ZYG11A: variants seen among roughly 807,000 people sequenced by gnomAD.
ZYG11A encodes zyg-11 family member A, cell cycle regulator.
A neutral mutation model predicts 77.2 loss-of-function variants in ZYG11A; 62 were observed. The ratio of observed to expected loss-of-function variants is 0.80; its 90% CI spans 0.65 to 0.99. The LOEUF (loss-of-function observed/expected upper bound fraction) is 0.99. Ranked by LOEUF, ZYG11A falls within the 50% of genes least tolerant of loss-of-function variation. The pLI is 0.00. For missense variants in ZYG11A, 828 were observed against 896.8 expected (o/e 0.92, Z 0.98); for synonymous variants, 315 against 324.6 (o/e 0.97, Z 0.32).
At chr1:52,872,295 G>C (rs1159576252) in intron 8 of ZYG11A, among the ~76,000 whole-genome samples, 1 of 152,006 alleles carries the variant, frequency 6.6e-6, no homozygotes, top group Non-Finnish European at 1.5e-5. Context: ...GTATAGATGA[G>C]GTTTCGCCAT....
intron 1 of ZYG11A, among the ~76,000 whole-genome samples, chr1:52,852,565 T>C (rs1645734339): frequency 6.6e-6 from 1 of 152,004 alleles, no homozygotes; most frequent in Admixed American, 6.6e-5. Flanking sequence ...GGTTTTGCTA[T>C]GTTGGCCAGG....
At position 52,892,732 on chromosome 1, in the gene ZYG11A, A is replaced by T. The variant is rs537552012; in HGVS notation, c.2105-50A>T. The T allele has an allele frequency of 7.3e-5, 108 of 1,488,540 alleles. No homozygotes were observed. In the Middle Eastern group the frequency reaches 8.6e-4, roughly 12 times the overall value. The allele number at this position is 1,488,540 out of a possible 1,614,324, so 92.2% of individuals were successfully genotyped here. ...AAGGTGAATGTGGTGACATGGGAGT[A>T]TTTAAAATGCCAGTTGTCCATGGAG... is the stretch of plus-strand genomic sequence containing the variant. On this transcript the variant is annotated intron_variant, in intron 13 of 13. Transcript: ENST00000371528.
chr1:52,863,298 A>C (rs1313987864), intron 4 of ZYG11A, among the ~76,000 whole-genome samples: 5 of 152,160 alleles, frequency 3.3e-5, no homozygotes, highest in Non-Finnish European at 2.9e-5. Flanking sequence ...GTGTAGCTTC[A>C]AGTTACCTAA....
At chr1:52,886,211 C>T (rs1333544046) in intron 12 of ZYG11A, among the ~76,000 whole-genome samples, 1 of 152,144 alleles carries the variant, frequency 6.6e-6, no homozygotes, top group African/African-American at 2.4e-5. Context: ...GGATTACAGG[C>T]GTGAGCCACC....
intron 13 of ZYG11A, among the ~76,000 whole-genome samples, chr1:52,892,538 A>AG (rs1248157128): frequency 2.4e-4 from 37 of 151,970 alleles, no homozygotes; most frequent in African/African-American, 8.5e-4. Context: ...CAAAAAAAAA[A>AG]AGAAAAAGAT....
intron 6 of ZYG11A, 95 bp from the exon 7 acceptor site, chr1:52,867,444 A>G (rs557847): frequency 0.53 from 438,275 of 831,960 alleles, 123,477 homozygotes; most frequent in Non-Finnish European, 0.59. Flanking sequence ...GACTGTTTTC[A>G]TTATAGGATT....
Position 52,892,712 on chromosome 1 carries a change from G to C in ZYG11A, c.2105-70G>C, listed in dbSNP as rs552000883. On this transcript the variant is annotated intron_variant, in intron 13 of 13. Transcript: ENST00000371528. ...CTTTGTATTGTTTCTTCAGCAAGGT[G>C]AATGTGGTGACATGGGAGTATTTAA... 6.1e-5 allele frequency: 80 copies of C among 1,309,528 alleles called. No homozygotes were observed. In the South Asian group the frequency reaches 8.4e-4, roughly 14 times the overall value. 81.1% of individuals were successfully genotyped at this position (1,309,528 alleles called of 1,614,324 possible).
chr1:52,875,722 G>A lies in ZYG11A; in HGVS notation c.1543-1960G>A, dbSNP rs543845110. Among the ~76,000 whole-genome samples the A allele has an allele frequency of 5.5e-4, 83 of 151,536 alleles. 1 individual carries two copies. The highest frequency in any genetic ancestry group is 1.8e-3 in the African/African-American group (76 of 41,260). On this transcript the variant is annotated intron_variant, in intron 8 of 13. Transcript: ENST00000371528. ...CAATTTTGGTGCTGAATCTCTGTAT[G>A]TGCAGAAATTGAGTTTAGAGTAGAA...
At chr1:52,877,624 ACCGCAATTGATTATT>A in intron 8 of ZYG11A, 43 bp from the exon 9 acceptor site, 1 of 1,433,598 alleles carries the variant, frequency 7.0e-7, no homozygotes. Flanking sequence ...CTTTCCTTAT[ACCGCAATTGATTATT>A]CATTAGAGCA....
intron 13 of ZYG11A, among the ~76,000 whole-genome samples, chr1:52,890,042 C>T (rs1468315431): frequency 6.9e-6 from 1 of 145,066 alleles, no homozygotes; most frequent in Non-Finnish European, 1.5e-5. Flanking sequence ...TTTCTTTGCT[C>T]ATCACTGCTT....
intron 4 of ZYG11A, among the ~76,000 whole-genome samples, chr1:52,863,183 C>A (rs1645962546): frequency 6.6e-6 from 1 of 152,148 alleles, no homozygotes. Context: ...CCAGGTCTGT[C>A]TCTAGTAGAG....
In ZYG11A at chr1:52,857,635, C is replaced by T. The variant is rs1645839908; in HGVS notation, c.894C>T (p.Ile298=). 6 of 1,551,962 alleles carry T rather than the reference C, an allele frequency of 3.9e-6. No individual in the cohort carries two copies. The highest frequency in any genetic ancestry group is 5.2e-6 in the Non-Finnish European group (6 of 1,147,070). ...VSLDISGGNC[I]TDEAVELFIR... is the part of the protein sequence containing the mutation. ...TGGATATTTCTGGGGGCAATTGCAT[C>T]ACTGATGAAGCTGTAGAACTGTTTA... Residue 298 remains isoleucine, a synonymous_variant, in exon 3 of 14, where the codon ATC becomes ATT. Transcript: ENST00000371528.
In ZYG11A at chr1:52,893,202, C is replaced by G. The variant is rs1485103640; in HGVS notation, c.*245C>G. On this transcript the variant is annotated 3_prime_UTR_variant, in exon 14 of 14. Coordinates refer to ENST00000371528, the MANE Select transcript of ZYG11A (RefSeq NM_001004339.3). The stretch of plus-strand genomic sequence containing the variant: ...CTCAAACCGTGGACTCTGGGAAGGC[C>G]TGGGAGCTTGTGTTGGAACAGCTAT... The G allele has an allele frequency of 2.3e-6, 1 of 440,454 alleles. No homozygotes were observed. Among genetic ancestry groups the G allele is most frequent in the Non-Finnish European group, 4.1e-6 (1 of 245,184 alleles). The allele number at this position is 440,454 out of a possible 1,614,324, so 27.3% of individuals were successfully genotyped here. A position where few individuals can be genotyped will look rare whatever the true frequency, so the allele number is the denominator to read the frequency against.
intron 3 of ZYG11A, among the ~76,000 whole-genome samples, chr1:52,859,668 T>A (rs1415615614): frequency 4.3e-5 from 1 of 23,488 alleles, no homozygotes; most frequent in Non-Finnish European, 9.5e-5. Context: ...GTGTATTGCC[T>A]TTTTTTTTTT....
At chr1:52,885,807 G>A in intron 11 of ZYG11A, 26 bp from the exon 12 acceptor site, 1 of 1,497,558 alleles carries the variant, frequency 6.7e-7, no homozygotes, top group Non-Finnish European at 8.9e-7. Context: ...TCAAATGTTG[G>A]TTTCTCTCTC....
intron 12 of ZYG11A, among the ~76,000 whole-genome samples, chr1:52,886,409 T>A (rs544243206): frequency 2.8e-4 from 42 of 152,336 alleles, no homozygotes; most frequent in Non-Finnish European, 6.0e-4. Flanking sequence ...TGCAATGAGA[T>A]ACTGATCATA....
At position 52,859,409 on chromosome 1, in the gene ZYG11A, C is replaced by T. The variant is rs1645880557; in HGVS notation, c.1009-1322C>T. ...GGAGTGCAGTGACACGATCTCTGCT[C>T]ACTGCAATCTCCGCCTCCCGGGTTC... On this transcript the variant is annotated intron_variant, in intron 3 of 13. Coordinates refer to ENST00000371528, the MANE Select transcript of ZYG11A (RefSeq NM_001004339.3). Among the ~76,000 whole-genome samples, 3 of 152,122 alleles carry T rather than the reference C, an allele frequency of 2.0e-5. No homozygotes were observed. The South Asian group carries it at 6.2e-4, about 32-fold the overall frequency.
chr1:52,851,826 C>G (rs563892182), intron 1 of ZYG11A, among the ~76,000 whole-genome samples: 16 of 151,418 alleles, frequency 1.1e-4, no homozygotes, highest in African/African-American at 3.9e-4. Flanking sequence ...CAGCTCACTG[C>G]AACCTCCACC....
At chr1:52,873,504 C>T (rs748616637) in intron 8 of ZYG11A, among the ~76,000 whole-genome samples, 2 of 152,122 alleles carry the variant, frequency 1.3e-5, no homozygotes, top group African/African-American at 2.4e-5. Context: ...TGAATTGCTG[C>T]AATCTAAAAC....
Sources: gnomAD v4.1 joint callset for allele counts (sites outside exome capture counted in the v4.1 genomes callset) on GRCh38, gnomAD v4.1.1 for gene constraint, MANE v1.5 for transcripts, NCBI Gene and HGNC (gene_info 2026-07-23, HGNC 2026-07-21) for gene names.